TSPAN16: variants seen among roughly 807,000 people sequenced by gnomAD.
TSPAN16 encodes tetraspanin 16, also known as tetraspanin-16.
Under a neutral mutation model 25.2 loss-of-function variants are expected in TSPAN16, and 23 were observed. The ratio of observed to expected loss-of-function variants is 0.91; its 90% CI spans 0.66 to 1.29. The LOEUF is 1.29. TSPAN16 is among the 50% of genes most tolerant of loss of function. The probability of loss-of-function intolerance (pLI) is 0.00; values close to 1 mark genes in which losing one functional copy is unlikely to be tolerated. For synonymous variants in TSPAN16, 123 were observed against 124.4 expected (o/e 0.99, Z 0.08); for missense variants, 272 against 299.9 (o/e 0.91, Z 0.69).
At chr19:11,300,383 C>T (rs1265571835) in intron 3 of TSPAN16, among the ~76,000 whole-genome samples, 3 of 152,166 alleles carry the variant, frequency 2.0e-5, no homozygotes, top group South Asian at 4.1e-4. Flanking sequence ...TCCACCAACT[C>T]CAACCAGCCA....
At chr19:11,309,517 C>T (rs1441564027) in intron 5 of TSPAN16, among the ~76,000 whole-genome samples, 2 of 152,246 alleles carry the variant, frequency 1.3e-5, no homozygotes, top group East Asian at 3.8e-4. Flanking sequence ...GCCTGGAGTG[C>T]TCTTCCTTCA....
chr19:11,315,069 C>G (rs1022926194), intron 6 of TSPAN16, among the ~76,000 whole-genome samples: 9 of 150,954 alleles, frequency 6.0e-5, no homozygotes, highest in Non-Finnish European at 1.2e-4. Context: ...AACCCCATCT[C>G]TACTAAAAAT....
intron 3 of TSPAN16, 62 bp downstream of exon 3, chr19:11,299,008 A>G (rs422496): frequency 0.34 from 529,989 of 1,542,748 alleles, 100,031 homozygotes; most frequent in African/African-American, 0.8. Context: ...GGACGGGCAC[A>G]GTGGCTCACG....
chr19:11,325,054 A>G (rs7247089), intron 6 of TSPAN16: 4,403 of 220,936 alleles, frequency 0.02, 172 homozygotes, highest in African/African-American at 0.089. Context: ...GTTCTAAGCT[A>G]GAAGGCACCA....
At chr19:11,325,711 G>T in intron 6 of TSPAN16, 2 of 855,478 alleles carry the variant, frequency 2.3e-6, no homozygotes, top group Non-Finnish European at 3.6e-6. Context: ...CCTTGGTTGT[G>T]TGCCTTTGCC....
chr19:11,316,117 GGTTTTTTTTTTT>G (rs151116699), downstream of TSPAN16: 14 of 228,864 alleles, frequency 6.1e-5, no homozygotes, highest in East Asian at 1.1e-3. Context: ...GTGTGTGTGT[GGTTTTTTTTTTT>G]TTTTCCTTTT....
At chr19:11,309,444 C>T (rs532618349) in intron 5 of TSPAN16, among the ~76,000 whole-genome samples, 45 of 152,332 alleles carry the variant, frequency 3.0e-4, no homozygotes, top group African/African-American at 1.0e-3. Context: ...CTGGCCTCCT[C>T]GCTACTGCTC....
chr19:11,308,192 G>T (rs1460630028), intron 5 of TSPAN16: 1 of 152,216 alleles, frequency 6.6e-6, no homozygotes, highest in Non-Finnish European at 1.5e-5. Flanking sequence ...CCACACCCCA[G>T]TTCCCCCTTA....
intron 5 of TSPAN16, among the ~76,000 whole-genome samples, chr19:11,310,880 CTGGA>C (rs36177227): frequency 0.61 from 92,376 of 151,534 alleles, 30,680 homozygotes; most frequent in African/African-American, 0.88. Context: ...GTCACTCAGG[CTGGA>C]TGGAGTACAG....
intron 6 of TSPAN16, among the ~76,000 whole-genome samples, chr19:11,315,174 T>A (rs2080733122): frequency 6.8e-6 from 1 of 148,086 alleles, no homozygotes; most frequent in Non-Finnish European, 1.5e-5. Flanking sequence ...AGATGAAGGT[T>A]GCAATGAGCC....
intron 2 of TSPAN16, 139 bp from the exon 3 acceptor site, chr19:11,298,733 G>T: frequency 2.6e-6 from 2 of 783,700 alleles, no homozygotes; most frequent in South Asian, 1.4e-5. Flanking sequence ...GCTCCCGGTC[G>T]AATTGTTTTA....
chr19:11,311,848 G>A (rs909792429), intron 5 of TSPAN16, among the ~76,000 whole-genome samples: 5 of 152,084 alleles, frequency 3.3e-5, no homozygotes, highest in South Asian at 2.1e-4. Flanking sequence ...AGTAATAATC[G>A]AGGATGTCCA....
chr19:11,306,885 G>C (rs139224099), intron 5 of TSPAN16, 129 bp downstream of exon 5: 1 of 892,672 alleles, frequency 1.1e-6, no homozygotes, highest in Non-Finnish European at 1.6e-6. Context: ...GTGCGATCTC[G>C]GCTCACTGCA....
intron 5 of TSPAN16, among the ~76,000 whole-genome samples, chr19:11,309,825 G>C (rs1477819192): frequency 6.6e-6 from 1 of 152,230 alleles, no homozygotes; most frequent in African/African-American, 2.4e-5. Context: ...ATGTGGCCAA[G>C]TGTGATGGCT....
chr19:11,325,352 C>G, intron 6 of TSPAN16: 2 of 1,224,244 alleles, frequency 1.6e-6, no homozygotes, highest in Non-Finnish European at 2.2e-6. Flanking sequence ...CGATCACAGT[C>G]CCTGCCGAGG....
At chr19:11,302,679 A>ATG (rs2080574435) in intron 4 of TSPAN16, among the ~76,000 whole-genome samples, 1 of 112,330 alleles carries the variant, frequency 8.9e-6, no homozygotes. Flanking sequence ...ATATATATAT[A>ATG]CACACACACA....
chr19:11,298,755 C>T lies in TSPAN16; in HGVS notation c.268-117C>T, dbSNP rs911872659. On this transcript the variant is annotated intron_variant, in intron 2 of 6. Coordinates refer to ENST00000590327, the MANE Select transcript of TSPAN16 (RefSeq NM_001282509.2). ...GTCGAATTGTTTTAAACTGGAGAGG[C>T]CAGGGTGGCCTGGGGTGGAGGGTCG... 3 of 932,244 alleles carry T rather than the reference C, an allele frequency of 3.2e-6. 1 individual carries two copies. 57.7% of individuals were successfully genotyped at this position (932,244 alleles called of 1,614,324 possible).
chr19:11,315,581 T>A (rs1568295459), intron 6 of TSPAN16, among the ~76,000 whole-genome samples: 1 of 150,596 alleles, frequency 6.6e-6, no homozygotes, highest in Non-Finnish European at 1.5e-5. Context: ...AATAAATAAA[T>A]AAAATAATAA....
chr19:11,301,341 G>GT lies in TSPAN16; in HGVS notation c.450+34dup, dbSNP rs766912470. 50 of 1,548,566 alleles carry GT rather than the reference G, an allele frequency of 3.2e-5. No homozygotes were observed. In the African/African-American group the frequency reaches 6.6e-4, roughly 21 times the overall value. ...TTACTTAAAAAAAAAAAATTGTGGT[G>GT]TAAAGGTACACAACATGGGCGGGCG... On this transcript the variant is annotated intron_variant, in intron 4 of 6. Transcript: ENST00000590327.
Sources: gnomAD v4.1 joint callset for allele counts (sites outside exome capture counted in the v4.1 genomes callset) on GRCh38, gnomAD v4.1.1 for gene constraint, MANE v1.5 for transcripts, NCBI Gene and HGNC (gene_info 2026-07-23, HGNC 2026-07-21) for gene names.